C2CD5: variants seen among roughly 807,000 people sequenced by gnomAD.
The protein encoded by C2CD5 is C2 domain-containing protein 5.
Under a neutral mutation model 130.3 loss-of-function variants are expected in C2CD5, and 109 were observed. The observed-to-expected ratio is 0.84, with a 90% CI of 0.72 to 0.98. The LOEUF (loss-of-function observed/expected upper bound fraction) is 0.98. Ranked by LOEUF, C2CD5 falls within the 50% of genes least tolerant of loss-of-function variation. The probability of loss-of-function intolerance (pLI) is 0.00; values close to 1 mark genes in which losing one functional copy is unlikely to be tolerated. For missense variants in C2CD5, 996 were observed against 1,261.8 expected, an observed-to-expected ratio of 0.79 and a Z score of 3.19; for synonymous variants, 454 against 429.2, an observed-to-expected ratio of 1.06 and a Z score of -0.71.
In C2CD5 at chr12:22,493,342, AAAAT is replaced by A; in HGVS notation, c.1148-9_1148-6del. The A allele has an allele frequency of 2.6e-6, 4 of 1,556,474 alleles. No individual in the cohort carries two copies. The highest frequency in any genetic ancestry group is 3.5e-6 in the Non-Finnish European group (4 of 1,131,058). ...CATCTCGAGTTTCTGGTTCATCTGA[AAAAT>A]AAATTTTAAATCAGTTTATTACTCA... is the stretch of plus-strand genomic sequence containing the variant. On this transcript the variant is annotated splice_polypyrimidine_tract_variant and splice_region_variant and intron_variant, in intron 10 of 26. Transcript: ENST00000446597.
chr12:22,504,163 CG>C (rs1247381982), intron 10 of C2CD5, among the ~76,000 whole-genome samples: 1 of 150,746 alleles, frequency 6.6e-6, no homozygotes, highest in African/African-American at 2.4e-5. Flanking sequence ...AAATGCAGTT[CG>C]TTTTTTTTTT....
intron 26 of C2CD5, among the ~76,000 whole-genome samples, chr12:22,450,838 A>G (rs1281927073): frequency 6.6e-6 from 1 of 152,060 alleles, no homozygotes; most frequent in East Asian, 1.9e-4. Context: ...TAATTAAAGA[A>G]ATTCCGATCG....
intron 13 of C2CD5, among the ~76,000 whole-genome samples, chr12:22,483,668 A>G (rs552126163): frequency 7.0e-4 from 106 of 152,314 alleles, no homozygotes; most frequent in African/African-American, 2.5e-3. Flanking sequence ...TCAAGAGGGA[A>G]AAAAATAAAT....
intron 11 of C2CD5, among the ~76,000 whole-genome samples, chr12:22,492,652 T>C (rs1946498975): frequency 6.6e-6 from 1 of 152,078 alleles, no homozygotes; most frequent in African/African-American, 2.4e-5. Context: ...TAGCGTGGCA[T>C]GTACTTTAAA....
chr12:22,509,335 C>A (rs117646606), intron 9 of C2CD5, among the ~76,000 whole-genome samples: 3,594 of 151,974 alleles, frequency 0.024, 50 homozygotes, highest in Non-Finnish European at 0.037. Context: ...ATAAATGAAC[C>A]TAAATGACTT....
intron 22 of C2CD5, among the ~76,000 whole-genome samples, chr12:22,462,466 CTT>C (rs1941342984): frequency 1.3e-5 from 2 of 152,138 alleles, no homozygotes; most frequent in Admixed American, 6.5e-5. Context: ...ACCCTAGAAA[CTT>C]AGCAAAGCAA....
chr12:22,489,929 T>A (rs372194045), intron 12 of C2CD5, among the ~76,000 whole-genome samples, 194 bp downstream of exon 12: 3 of 152,108 alleles, frequency 2.0e-5, no homozygotes, highest in Non-Finnish European at 4.4e-5. Flanking sequence ...CAATAATGTG[T>A]GCCATATAGT....
intron 9 of C2CD5, among the ~76,000 whole-genome samples, chr12:22,507,539 C>T (rs1948704207): frequency 6.6e-6 from 1 of 152,124 alleles, no homozygotes; most frequent in Admixed American, 6.6e-5. Flanking sequence ...TAAAATTCAT[C>T]AACTTAGAGA....
intron 13 of C2CD5, among the ~76,000 whole-genome samples, chr12:22,483,122 T>C (rs1338095559): frequency 1.3e-5 from 2 of 152,158 alleles, no homozygotes; most frequent in East Asian, 3.9e-4. Context: ...ATGTATTACA[T>C]GCCTGTATCA....
intron 9 of C2CD5, chr12:22,512,788 C>T (rs1949335303): frequency 1.4e-6 from 1 of 697,532 alleles, no homozygotes; most frequent in Non-Finnish European, 2.3e-6. Context: ...CTCAAACTTA[C>T]AATAACTGAA....
intron 11 of C2CD5, among the ~76,000 whole-genome samples, chr12:22,492,249 T>C (rs1946450285): frequency 6.6e-6 from 1 of 152,124 alleles, no homozygotes; most frequent in Admixed American, 6.6e-5. Context: ...TTCTAGATGA[T>C]ATCAACTGTA....
chr12:22,516,560 TA>T (rs5796963), intron 8 of C2CD5, among the ~76,000 whole-genome samples: 46 of 144,406 alleles, frequency 3.2e-4, no homozygotes, highest in Admixed American at 4.9e-4. Context: ...TTTGGTAAAT[TA>T]AAAAAAAAAG....
chr12:22,496,686 A>G (rs1947064512), intron 10 of C2CD5, among the ~76,000 whole-genome samples: 1 of 149,414 alleles, frequency 6.7e-6, no homozygotes, highest in South Asian at 2.1e-4. Context: ...TACAAATTAT[A>G]TATTTTATAT....
chr12:22,501,668 G>T (rs751498923), intron 10 of C2CD5, among the ~76,000 whole-genome samples: 22 of 152,016 alleles, frequency 1.4e-4, no homozygotes, highest in African/African-American at 1.9e-4. Context: ...ATTTCCCTAT[G>T]GATTTACCGA....
At chr12:22,522,876 T>C (rs1950392074) in intron 7 of C2CD5, among the ~76,000 whole-genome samples, 1 of 152,152 alleles carries the variant, frequency 6.6e-6, no homozygotes, top group Non-Finnish European at 1.5e-5. Flanking sequence ...TGTCTAAATA[T>C]CTGGAATAAG....
chr12:22,453,143 T>C (rs1431926037), intron 26 of C2CD5, among the ~76,000 whole-genome samples: 1 of 152,206 alleles, frequency 6.6e-6, no homozygotes, highest in Non-Finnish European at 1.5e-5. Context: ...TAGTCTATAT[T>C]AGAGCTTCTT....
At chr12:22,530,111 T>TATATATATACACAC (rs1301636778) in intron 3 of C2CD5, among the ~76,000 whole-genome samples, 2 of 87,554 alleles carry the variant, frequency 2.3e-5, no homozygotes, top group Non-Finnish European at 4.0e-5. Context: ...TATATATATA[T>TATATATATACACAC]ACACACACAC....
At position 22,544,399 on chromosome 12, in the gene C2CD5, G is replaced by T; in HGVS notation, c.-109C>A. 1 of 392,054 alleles carries T rather than the reference G, an allele frequency of 2.6e-6. No individual in the cohort carries two copies. Among genetic ancestry groups the T allele is most frequent in the Non-Finnish European group, 4.5e-6 (1 of 220,280 alleles). 24.3% of individuals were successfully genotyped at this position (392,054 alleles called of 1,614,324 possible). A position where few individuals can be genotyped will look rare whatever the true frequency, so the allele number is the denominator to read the frequency against. On this transcript the variant is annotated 5_prime_UTR_variant, in exon 1 of 27. Transcript: ENST00000446597. ...AGGCGGCGGGAGGAAGGGCTTTGAT[G>T]GGTTCTTCCGTCCCGGCCCCACAAG...
At chr12:22,512,882 T>C (rs923165789) in intron 9 of C2CD5, among the ~76,000 whole-genome samples, 2 of 151,952 alleles carry the variant, frequency 1.3e-5, no homozygotes, top group Non-Finnish European at 2.9e-5. Context: ...TCCTAAGAGA[T>C]TGGTCAATGA....
Sources: gnomAD v4.1 joint callset for allele counts (sites outside exome capture counted in the v4.1 genomes callset) on GRCh38, gnomAD v4.1.1 for gene constraint, MANE v1.5 for transcripts, NCBI Gene and HGNC (gene_info 2026-07-23, HGNC 2026-07-21) for gene names.